The following PATJ variants were observed in gnomAD, a reference collection of about 807,000 sequenced individuals.
PATJ encodes the protein PATJ crumbs cell polarity complex component, also known as inaD-like protein.
Under a neutral mutation model 224.9 loss-of-function variants are expected in PATJ, and 190 were observed. The observed-to-expected ratio is 0.84, with a 90% CI of 0.75 to 0.95. The LOEUF (loss-of-function observed/expected upper bound fraction) is 0.95. Ranked by LOEUF, PATJ falls within the 40% of genes least tolerant of loss-of-function variation. PATJ has a pLI of 0.00. For missense variants in PATJ, 2,121 were observed against 2,270.3 expected, an observed-to-expected ratio of 0.93 and a Z score of 1.34; for synonymous variants, 769 against 820.3, an observed-to-expected ratio of 0.94 and a Z score of 1.07.
chr1:61,961,837 T>C (rs1356139074), intron 27 of PATJ, among the ~76,000 whole-genome samples: 1 of 151,698 alleles, frequency 6.6e-6, no homozygotes, highest in South Asian at 2.1e-4. Flanking sequence ...GGCGTGGTGG[T>C]GCATGCCTGT....
chr1:62,005,068 C>T (rs1049118510), intron 28 of PATJ, among the ~76,000 whole-genome samples: 4 of 151,090 alleles, frequency 2.6e-5, no homozygotes, highest in Admixed American at 6.6e-5. Context: ...TTGGTTAATA[C>T]GTAGTTTTTT....
rs575580378 is a variant in PATJ at position 62,086,889 on chromosome 1, C to G, written c.4377+2241C>G. ...GCAGGAGCAGGCTCTGTGGGGTCCC[C>G]TCGGCCAGACCAGGTAGGGGTGCCT... On this transcript the variant is annotated intron_variant, in intron 33 of 43. Transcript: ENST00000642238. This position sits in a 1 kb window ranked among gnomAD's most constrained non-coding sequence, Gnocchi z 4.0. 6.2e-4 allele frequency among the ~76,000 whole-genome samples: 94 copies of G among 152,262 alleles called. No homozygotes were observed. The highest frequency in any genetic ancestry group is 2.2e-3 in the African/African-American group (90 of 41,560).
intron 41 of PATJ, among the ~76,000 whole-genome samples, chr1:62,131,686 A>G (rs1666280296): frequency 6.6e-6 from 1 of 151,690 alleles, no homozygotes; most frequent in African/African-American, 2.4e-5. Context: ...TGCTCGGAGG[A>G]TGAGGCAGGA....
At chr1:61,972,162 T>C (rs1161469239) in intron 27 of PATJ, among the ~76,000 whole-genome samples, 1 of 152,010 alleles carries the variant, frequency 6.6e-6, no homozygotes, top group African/African-American at 2.4e-5. Context: ...ATAAAATTCC[T>C]TTATGTTTTA....
chr1:62,083,409 C>T (rs59446746), intron 32 of PATJ, among the ~76,000 whole-genome samples: 3 of 152,190 alleles, frequency 2.0e-5, no homozygotes, highest in African/African-American at 4.8e-5. Flanking sequence ...GGATTACAGG[C>T]GTGAACCACC....
chr1:61,901,834 A>G (rs189866543), intron 24 of PATJ, among the ~76,000 whole-genome samples: 153 of 152,286 alleles, frequency 1.0e-3, no homozygotes, highest in African/African-American at 3.6e-3. Flanking sequence ...ATGCTTGTTT[A>G]GAGAAAGAAG....
At chr1:61,801,527 A>G (rs777568750) in intron 11 of PATJ, 96 bp from the exon 12 acceptor site, 4 of 598,130 alleles carry the variant, frequency 6.7e-6, no homozygotes, top group Non-Finnish European at 1.1e-5. Context: ...ATGGGAGAAC[A>G]GCAGTAAAAT....
intron 1 of PATJ, among the ~76,000 whole-genome samples, chr1:61,751,001 CTTT>C (rs753746478): frequency 1.5e-5 from 2 of 137,862 alleles, no homozygotes; most frequent in Non-Finnish European, 1.6e-5. Context: ...TTTTATTTTA[CTTT>C]TTTTTTTTTT....
intron 17 of PATJ, among the ~76,000 whole-genome samples, chr1:61,855,076 T>C (rs1403998876): frequency 6.6e-6 from 1 of 152,220 alleles, no homozygotes; most frequent in Non-Finnish European, 1.5e-5. Context: ...TGTGGTTTTA[T>C]AGGAGGATTC....
chr1:62,114,085 C>T lies in PATJ; in HGVS notation c.4494C>T (p.His1498=), dbSNP rs201514515. The T allele has an allele frequency of 1.2e-4, 200 of 1,613,990 alleles. No individual in the cohort carries two copies. The highest frequency in any genetic ancestry group is 1.6e-4 in the Non-Finnish European group (189 of 1,180,014). Residue 1498 remains histidine, a synonymous_variant, in exon 35 of 44, where the codon CAC becomes CAT. Coordinates refer to ENST00000642238, the MANE Select transcript of PATJ (RefSeq NM_001350145.3). ...VNGVDLRNSS[H]EEAITALRQT... ...GGGTTGACCTGAGGAACTCCAGCCACGAAGAAGCCATCACAGCCCTGAGGC... is the reference window on the plus strand; with the variant it reads ...GGGTTGACCTGAGGAACTCCAGCCATGAAGAAGCCATCACAGCCCTGAGGC...
intron 7 of PATJ, among the ~76,000 whole-genome samples, chr1:61,782,841 G>A (rs925997696): frequency 1.3e-5 from 2 of 152,182 alleles, no homozygotes; most frequent in Non-Finnish European, 2.9e-5. Context: ...ATTGATAACA[G>A]GCAGTGTAAA....
chr1:61,822,640 A>G (rs1657521302), intron 14 of PATJ, among the ~76,000 whole-genome samples: 1 of 152,136 alleles, frequency 6.6e-6, no homozygotes, highest in African/African-American at 2.4e-5. Context: ...AGAAAAGTGA[A>G]ACACAGCATA....
At chr1:61,968,774 T>C (rs1450815674) in intron 27 of PATJ, among the ~76,000 whole-genome samples, 1 of 152,124 alleles carries the variant, frequency 6.6e-6, no homozygotes, top group Non-Finnish European at 1.5e-5. Context: ...GTGTTCTCAT[T>C]GTTCAATTCC....
At chr1:61,851,908 T>A (rs1450081601) in intron 17 of PATJ, among the ~76,000 whole-genome samples, 1 of 151,994 alleles carries the variant, frequency 6.6e-6, no homozygotes, top group African/African-American at 2.4e-5. Flanking sequence ...CTTGAGTATA[T>A]GCTGATGCCA....
chr1:61,821,080 G>A (rs949857957), intron 14 of PATJ, among the ~76,000 whole-genome samples: 6 of 150,094 alleles, frequency 4.0e-5, no homozygotes, highest in Non-Finnish European at 5.9e-5. Flanking sequence ...TCGCTCTGTC[G>A]CCCAGGCTGG....
chr1:62,106,176 A>G (rs1256004330), intron 33 of PATJ, among the ~76,000 whole-genome samples: 1 of 103,570 alleles, frequency 9.7e-6, no homozygotes, highest in Non-Finnish European at 2.1e-5. Context: ...ATATATATAT[A>G]TATATATATA....
At chr1:61,748,385 G>T (rs1204099241) in intron 1 of PATJ, among the ~76,000 whole-genome samples, 1 of 144,884 alleles carries the variant, frequency 6.9e-6, no homozygotes, top group Non-Finnish European at 1.5e-5. Flanking sequence ...CTCCTGAGTT[G>T]CTAGGACTGC....
At chr1:61,779,204 A>G (rs1385892363) in intron 7 of PATJ, among the ~76,000 whole-genome samples, 2 of 152,258 alleles carry the variant, frequency 1.3e-5, no homozygotes, top group African/African-American at 4.8e-5. Flanking sequence ...TTACTTTAAA[A>G]AAGATATTAT....
At chr1:62,118,192 C>CTTT (rs199756213) in intron 37 of PATJ, among the ~76,000 whole-genome samples, 28,947 of 145,900 alleles carry the variant, frequency 0.2, 4,497 homozygotes, top group East Asian at 0.72. Context: ...GTTTGAAACA[C>CTTT]TTTTTTTTTT....
Sources: gnomAD v4.1 joint callset for allele counts (sites outside exome capture counted in the v4.1 genomes callset) on GRCh38, gnomAD v4.1.1 for gene constraint, Gnocchi (gnomAD v3.1) non-coding constraint, MANE v1.5 for transcripts, NCBI Gene and HGNC (gene_info 2026-07-23, HGNC 2026-07-21) for gene names.